DPP8: variants seen among roughly 807,000 people sequenced by gnomAD.
DPP8 encodes the protein DPP VIII.
Under a neutral mutation model 107.5 loss-of-function variants are expected in DPP8, and 31 were observed. That is an observed-to-expected ratio of 0.29 (90% confidence interval 0.22 to 0.39). DPP8 has a LOEUF of 0.39. Among genes scored for constraint, DPP8 ranks in the 10% least tolerant of loss-of-function variants. The probability of loss-of-function intolerance (pLI) is 1.00; values close to 1 mark genes in which losing one functional copy is unlikely to be tolerated. For synonymous variants in DPP8, 381 were observed against 356.6 expected, an observed-to-expected ratio of 1.07 and a Z score of -0.77; for missense variants, 842 against 1,076.1, an observed-to-expected ratio of 0.78 and a Z score of 3.04.
In DPP8 at chr15:65,443,431, C is replaced by T. The variant is rs1157795533; in HGVS notation, c.*3453G>A. 3.3e-5 allele frequency: 5 copies of T among 151,442 alleles called. No homozygotes were observed. In the East Asian group the frequency reaches 7.7e-4, roughly 23 times the overall value. The allele number at this position is 151,442 out of a possible 1,614,324, so 9.4% of individuals were successfully genotyped here. A position where few individuals can be genotyped will look rare whatever the true frequency, so the allele number is the denominator to read the frequency against. On this transcript the variant is annotated 3_prime_UTR_variant, in exon 20 of 20. Transcript: ENST00000300141. Reference sequence around the variant, plus strand: ...GAGAAATCTTATAGGAATCATTCCACCTAAAGAGAACTATGCTATAGAAAG... The same window carrying T: ...GAGAAATCTTATAGGAATCATTCCATCTAAAGAGAACTATGCTATAGAAAG...
chr15:65,504,646 C>A (rs528677797), intron 3 of DPP8, among the ~76,000 whole-genome samples: 1 of 124,690 alleles, frequency 8.0e-6, no homozygotes, highest in Admixed American at 1.0e-4. Context: ...TCCAGCCTGG[C>A]GACAGAGCAA....
At chr15:65,488,960 T>C (rs1286858422) in intron 6 of DPP8, among the ~76,000 whole-genome samples, 2 of 152,246 alleles carry the variant, frequency 1.3e-5, no homozygotes, top group East Asian at 3.9e-4. Flanking sequence ...TAAGGTGTGG[T>C]TTTTTGTTTG....
intron 16 of DPP8, among the ~76,000 whole-genome samples, chr15:65,454,810 C>G (rs1039008544): frequency 2.0e-5 from 3 of 152,086 alleles, no homozygotes; most frequent in African/African-American, 7.3e-5. Context: ...CAGGCGTGAG[C>G]CACCACACCC....
intron 4 of DPP8, among the ~76,000 whole-genome samples, chr15:65,499,712 A>G (rs985836130): frequency 1.3e-5 from 2 of 151,304 alleles, no homozygotes; most frequent in African/African-American, 4.9e-5. Context: ...CTACAGGCGC[A>G]TGCTACCTTG....
intron 3 of DPP8, 119 bp downstream of exon 3, chr15:65,507,122 CAT>C (rs2070130448): frequency 1.9e-6 from 1 of 520,666 alleles, no homozygotes; most frequent in Non-Finnish European, 3.3e-6. Context: ...CATGCAAAAA[CAT>C]AAAAACATCT....
chr15:65,496,979 T>G (rs1286746857), intron 5 of DPP8, among the ~76,000 whole-genome samples: 5 of 152,122 alleles, frequency 3.3e-5, no homozygotes, highest in Non-Finnish European at 5.9e-5. Context: ...AACCTCCACC[T>G]CCCAGGTTCA....
chr15:65,454,318 G>C lies in DPP8; in HGVS notation c.2216C>G (p.Ser739Cys). The C allele has an allele frequency of 6.2e-7, 1 of 1,601,892 alleles. No homozygotes were observed. The highest frequency in any genetic ancestry group is 8.5e-7 in the Non-Finnish European group (1 of 1,175,680). ...CATCAGGGAGAGGTATCCTCCATAG[G>C]ACCAGCCGTGGATGCCCACACGATC... ...DLDRVGIHGW[S>C]YGGYLSLMAL... Residue 739 changes from serine (S) to cysteine (C), a missense_variant, in exon 17 of 20, where the codon TCC becomes TGC. Physicochemically the swap from Ser to Cys is moderately radical, Grantham distance 112 (BLOSUM62 -1). Coordinates refer to ENST00000300141, the MANE Select transcript of DPP8 (RefSeq NM_130434.5).
intron 4 of DPP8, among the ~76,000 whole-genome samples, chr15:65,499,709 C>A (rs939521137): frequency 1.3e-5 from 2 of 151,078 alleles, no homozygotes; most frequent in Non-Finnish European, 2.9e-5. Context: ...GGACTACAGG[C>A]GCATGCTACC....
intron 14 of DPP8, 59 bp downstream of exon 14, chr15:65,466,619 T>G (rs994105187): frequency 2.8e-5 from 40 of 1,450,760 alleles, no homozygotes; most frequent in Non-Finnish European, 3.7e-5. Context: ...ATGACACACG[T>G]TTAGTGTACT....
intron 3 of DPP8, among the ~76,000 whole-genome samples, chr15:65,505,304 G>C (rs865870058): frequency 1.1e-4 from 16 of 151,396 alleles, no homozygotes; most frequent in Non-Finnish European, 1.5e-4. Flanking sequence ...GCAGTGAGCT[G>C]AGATGGCACC....
At chr15:65,515,708 T>C (rs114911930) in intron 1 of DPP8, 2 of 1,613,108 alleles carry the variant, frequency 1.2e-6, no homozygotes, top group African/African-American at 2.7e-5. Flanking sequence ...GAGATCTTTT[T>C]CAAGTGACTC....
At chr15:65,489,304 C>G (rs923237325) in intron 6 of DPP8, among the ~76,000 whole-genome samples, 4 of 151,964 alleles carry the variant, frequency 2.6e-5, no homozygotes, top group Admixed American at 2.6e-4. Flanking sequence ...CCAGCATTAC[C>G]AAGACCAGCC....
chr15:65,450,227 T>TA (rs902889591), intron 19 of DPP8, among the ~76,000 whole-genome samples: 9 of 151,996 alleles, frequency 5.9e-5, no homozygotes, highest in African/African-American at 2.2e-4. Context: ...CTTGGCCTCC[T>TA]AAAGTGCTGG....
chr15:65,508,775 C>G (rs937068331), intron 2 of DPP8, among the ~76,000 whole-genome samples: 2 of 151,936 alleles, frequency 1.3e-5, no homozygotes, highest in Admixed American at 1.3e-4. Flanking sequence ...TCACTTGAAC[C>G]CGGGAGGCAG....
intron 7 of DPP8, among the ~76,000 whole-genome samples, chr15:65,486,026 A>G (rs191608): frequency 0.94 from 141,232 of 150,356 alleles, 66,311 homozygotes; most frequent in Admixed American, 0.96. Context: ...CTCGGGAGGC[A>G]GAGGTTGAAG....
At chr15:65,506,652 A>G (rs974335220) in intron 3 of DPP8, among the ~76,000 whole-genome samples, 1 of 148,706 alleles carries the variant, frequency 6.7e-6, no homozygotes, top group African/African-American at 2.4e-5. Context: ...TATATAAAAT[A>G]TATAAACATA....
At chr15:65,448,857 ATATC>A (rs1189443592) in intron 19 of DPP8, among the ~76,000 whole-genome samples, 17 of 107,980 alleles carry the variant, frequency 1.6e-4, no homozygotes, top group Non-Finnish European at 2.8e-4. Context: ...ATATACATAT[ATATC>A]TAAAATATAT....
At chr15:65,491,580 T>G (rs1191687886) in intron 5 of DPP8, among the ~76,000 whole-genome samples, 3 of 152,222 alleles carry the variant, frequency 2.0e-5, no homozygotes, top group Non-Finnish European at 4.4e-5. Flanking sequence ...ATGTATATAT[T>G]TGTTTGGCTT....
At chr15:65,489,989 G>A (rs1030449784) in intron 6 of DPP8, among the ~76,000 whole-genome samples, 200 bp downstream of exon 6, 1 of 152,190 alleles carries the variant, frequency 6.6e-6, no homozygotes, top group African/African-American at 2.4e-5. Flanking sequence ...AAAGTGCTGG[G>A]ATTACAGGTG....
Sources: allele counts gnomAD v4.1 joint callset (sites outside exome capture counted in the v4.1 genomes callset), GRCh38; gene constraint gnomAD v4.1.1; transcripts MANE v1.5; gene names NCBI Gene and HGNC (gene_info 2026-07-23, HGNC 2026-07-21).